The following ATP6AP2 variants were observed in gnomAD, a reference collection of about 807,000 sequenced individuals.
ATP6AP2 encodes the protein ATPase H+ transporting accessory protein 2.
Under a neutral mutation model 23.4 loss-of-function variants are expected in ATP6AP2, and 1 was observed. That is an observed-to-expected ratio of 0.04 (90% CI 0.02 to 0.20). ATP6AP2 has a LOEUF of 0.20. ATP6AP2 is among the 10% of genes least tolerant of loss of function. The pLI is 1.00. For synonymous variants in ATP6AP2, 90 were observed against 97.1 expected, an observed-to-expected ratio of 0.93 and a Z score of 0.43; for missense variants, 174 against 271.3, an observed-to-expected ratio of 0.64 and a Z score of 2.52.
In ATP6AP2 at chrX:40,600,711, G is replaced by A. The variant is rs766677772; in HGVS notation, c.739-51G>A. The A allele has an allele frequency of 8.8e-6, 10 of 1,139,572 alleles. No individual in the cohort carries two copies. In the South Asian group the frequency reaches 2.0e-4, roughly 22 times the overall value. 93.9% of individuals were successfully genotyped at this position (1,139,572 alleles called of 1,213,427 possible). Reference sequence around the variant, plus strand: ...TGATTTTAATTTGTTAATTAAAAATGAAAAAAGTACATAGTTGAGATTCCC... The same window carrying A: ...TGATTTTAATTTGTTAATTAAAAATAAAAAAAGTACATAGTTGAGATTCCC... On this transcript the variant is annotated intron_variant, in intron 7 of 8. Coordinates refer to ENST00000636580, the MANE Select transcript of ATP6AP2 (RefSeq NM_005765.3).
At chrX:40,592,904 C>A (rs1013672449) in intron 3 of ATP6AP2, among the ~76,000 whole-genome samples, 4 of 111,738 alleles carry the variant, frequency 3.6e-5, no homozygotes, top group African/African-American at 6.5e-5. Context: ...ACTAACTTCT[C>A]TGACCACAAT....
intron 3 of ATP6AP2, 180 bp from the exon 4 acceptor site, chrX:40,597,069 C>T (rs1926791096): frequency 4.6e-6 from 2 of 435,250 alleles, no homozygotes; most frequent in Non-Finnish European, 8.0e-6. Context: ...CTTGGCTTAC[C>T]AGGGGGCTGT....
At chrX:40,600,937 A>AAG in intron 8 of ATP6AP2, 56 bp downstream of exon 8, 1 of 1,136,700 alleles carries the variant, frequency 8.8e-7, no homozygotes, top group Non-Finnish European at 1.2e-6. Flanking sequence ...CTTATAAAAA[A>AAG]AAAAAAACCA....
intron 1 of ATP6AP2, among the ~76,000 whole-genome samples, chrX:40,583,378 G>A (rs1242270017): frequency 9.0e-6 from 1 of 111,698 alleles, no homozygotes; most frequent in Non-Finnish European, 1.9e-5. Context: ...GCCTCCCAGG[G>A]CTAATGTGTT....
At chrX:40,588,732 A>G (rs1001517117) in intron 1 of ATP6AP2, among the ~76,000 whole-genome samples, 22 of 111,032 alleles carry the variant, frequency 2.0e-4, no homozygotes, top group Admixed American at 3.9e-4. Context: ...CTTATCAGGC[A>G]GACCCTGAAC....
At chrX:40,593,305 C>G (rs113854926) in intron 3 of ATP6AP2, among the ~76,000 whole-genome samples, 1,561 of 110,570 alleles carry the variant, frequency 0.014, 27 homozygotes, top group African/African-American at 0.049. Context: ...CCCGTCTCCC[C>G]CAGCGTCTTC....
chrX:40,588,224 A>G, intron 1 of ATP6AP2, among the ~76,000 whole-genome samples: 1 of 111,276 alleles, frequency 9.0e-6, no homozygotes, highest in Middle Eastern at 4.7e-3. Flanking sequence ...TGACTTTATC[A>G]TTACAGAATA....
In ATP6AP2 at chrX:40,597,630, C is replaced by T. The variant is rs1483699088; in HGVS notation, c.500C>T (p.Ser167Leu). ...TTTCAAGAAAACTCTGTTCTCAGTT[C>T]ACTCCCCCTCAATTCTCTGAGTAGG... ...RLFQENSVLS[S>L]LPLNSLSRNN... Residue 167 changes from serine (S) to leucine (L), a missense_variant, in exon 5 of 9, where the codon TCA (serine) becomes TTA (leucine). By Grantham distance (145) the Ser-to-Leu change is moderately radical. Transcript: ENST00000636580. The T allele has an allele frequency of 5.0e-6, 6 of 1,207,342 alleles. No individual in the cohort carries two copies. Among genetic ancestry groups the T allele is most frequent in the Non-Finnish European group, 5.6e-6 (5 of 892,731 alleles).
chrX:40,589,076 C>T lies in ATP6AP2; in HGVS notation c.128C>T (p.Pro43Leu), dbSNP rs1410917637. Residue 43 changes from proline (P) to leucine (L), a missense_variant, in exon 2 of 9, where the codon CCA (proline) becomes CTA (leucine). Transcript: ENST00000636580. ...GNWPIPGERI[P>L]DVAALSMGFS... ...TGGCCTATACCAGGAGAGCGGATCC[C>T]AGACGTGGCTGCATTGTCCATGGGC... 1 of 1,210,063 alleles carries T rather than the reference C, an allele frequency of 8.3e-7. No homozygotes were observed. The highest frequency in any genetic ancestry group is 2.2e-5 in the Admixed American group (1 of 46,017).
chrX:40,605,782 G>A lies in ATP6AP2; in HGVS notation c.*27G>A. The stretch of plus-strand genomic sequence containing the variant: ...TGTTACCTGTGCCAGAATTAGAAAA[G>A]GGGGTTGGAAATTGGCTGTTTTGTT... On this transcript the variant is annotated 3_prime_UTR_variant, in exon 9 of 9. Coordinates refer to ENST00000636580, the MANE Select transcript of ATP6AP2 (RefSeq NM_005765.3). The A allele has an allele frequency of 2.6e-6, 3 of 1,166,773 alleles. No homozygotes were observed. The highest frequency in any genetic ancestry group is 3.5e-6 in the Non-Finnish European group (3 of 855,848).
chrX:40,599,565 C>CT, intron 6 of ATP6AP2, 27 bp from the exon 7 acceptor site: 1 of 1,208,342 alleles, frequency 8.3e-7, no homozygotes. Context: ...TATCCGCTAC[C>CT]TTTTTTTGTT....
At position 40,597,414 on chromosome X, in the gene ATP6AP2, T is replaced by C. The variant is rs1235635448; in HGVS notation, c.396+70T>C. On this transcript the variant is annotated intron_variant, in intron 4 of 8. Transcript: ENST00000636580. Reference sequence around the variant, plus strand: ...TTTATTATTTGAAAATTATGAAATGTAATTTTATTATGAAAATATAAAACT... The same window carrying C: ...TTTATTATTTGAAAATTATGAAATGCAATTTTATTATGAAAATATAAAACT... 3 of 1,061,401 alleles carry C rather than the reference T, an allele frequency of 2.8e-6. No individual in the cohort carries two copies. The African/African-American group carries it at 5.7e-5, about 20-fold the overall frequency. The allele number at this position is 1,061,401 out of a possible 1,213,427, so 87.5% of individuals were successfully genotyped here.
chrX:40,586,595 C>G (rs1470597244), intron 1 of ATP6AP2, among the ~76,000 whole-genome samples: 5 of 111,642 alleles, frequency 4.5e-5, no homozygotes, highest in African/African-American at 1.6e-4. Flanking sequence ...CAGTTCAGTA[C>G]AAGGAAAAAC....
chrX:40,595,106 C>T (rs1333692521), intron 3 of ATP6AP2, among the ~76,000 whole-genome samples: 1 of 111,566 alleles, frequency 9.0e-6, no homozygotes, highest in East Asian at 2.8e-4. Flanking sequence ...TATAAAAATC[C>T]AAAATGCCAT....
chrX:40,598,264 C>T (rs1926823767), intron 5 of ATP6AP2: 1 of 175,893 alleles, frequency 5.7e-6, no homozygotes, highest in Non-Finnish European at 1.1e-5. Context: ...GTGGTGGCCT[C>T]CCCTTTTTAT....
intron 3 of ATP6AP2, among the ~76,000 whole-genome samples, chrX:40,594,560 C>T (rs909922564): frequency 1.7e-4 from 19 of 112,431 alleles, no homozygotes; most frequent in African/African-American, 4.2e-4. Flanking sequence ...AGAAGCAGAG[C>T]GCATGGATGG....
At chrX:40,585,617 G>T (rs755491195) in intron 1 of ATP6AP2, among the ~76,000 whole-genome samples, 29 of 111,513 alleles carry the variant, frequency 2.6e-4, no homozygotes, top group Admixed American at 1.6e-3. Flanking sequence ...ACTTTGGGAG[G>T]CCGAGGCAGG....
intron 1 of ATP6AP2, among the ~76,000 whole-genome samples, chrX:40,586,106 T>G (rs930178354): frequency 6.3e-5 from 7 of 111,336 alleles, no homozygotes; most frequent in Non-Finnish European, 1.3e-4. Flanking sequence ...AACTGGTGGT[T>G]TGAAGTGTGA....
intron 3 of ATP6AP2, among the ~76,000 whole-genome samples, chrX:40,593,627 C>T (rs750930441): frequency 1.6e-4 from 18 of 110,263 alleles, no homozygotes; most frequent in Non-Finnish European, 2.5e-4. Flanking sequence ...GTGTCTCAGC[C>T]TCCTGAGTAG....
Sources: allele counts gnomAD v4.1 joint callset (sites outside exome capture counted in the v4.1 genomes callset), GRCh38; gene constraint gnomAD v4.1.1; transcripts MANE v1.5; gene names NCBI Gene and HGNC (gene_info 2026-07-23, HGNC 2026-07-21).